The following LAMC1 variants were observed in gnomAD, a reference collection of about 807,000 sequenced individuals.
LAMC1 encodes the protein laminin subunit gamma 1, also known as laminin subunit gamma-1.
A neutral mutation model predicts 173.6 loss-of-function variants in LAMC1; 38 were observed. The observed-to-expected ratio is 0.22, with a 90% CI of 0.17 to 0.29. The LOEUF is 0.29. LAMC1 is among the 10% of genes least tolerant of loss of function. The pLI is 1.00. For synonymous variants in LAMC1, 746 were observed against 749.1 expected (o/e 1.00, Z 0.07); for missense variants, 1,824 against 2,051.8 (o/e 0.89, Z 2.14).
intron 25 of LAMC1, among the ~76,000 whole-genome samples, chr1:183,137,197 G>A (rs1327931419): frequency 1.3e-5 from 2 of 152,168 alleles, no homozygotes; most frequent in Non-Finnish European, 2.9e-5. Flanking sequence ...TTGGCTTTTG[G>A]ATTAATTATA....
At chr1:183,099,203 C>G (rs1655771520) in intron 1 of LAMC1, among the ~76,000 whole-genome samples, 1 of 152,150 alleles carries the variant, frequency 6.6e-6, no homozygotes, top group African/African-American at 2.4e-5. Context: ...ATTCTCCCAC[C>G]TCATCCTCCT....
chr1:183,110,671 G>A lies in LAMC1; in HGVS notation c.1021+17G>A, dbSNP rs369232193. 9.8e-5 allele frequency: 158 copies of A among 1,611,234 alleles called. No homozygotes were observed. In the African/African-American group the frequency reaches 1.7e-3, roughly 17 times the overall value. ...AATGCCTGCGTGAGTGCCCCATGAC[G>A]TCAGTCTGTCAGTTGTCTTAAGGAC... On this transcript the variant is annotated intron_variant, in intron 4 of 27. Transcript: ENST00000258341.
chr1:183,116,806 T>G lies in LAMC1; in HGVS notation c.1467T>G (p.Pro489=), dbSNP rs1297821715. 1.2e-6 allele frequency: 2 copies of G among 1,614,092 alleles called. No individual in the cohort carries two copies. The highest frequency in any genetic ancestry group is 3.3e-5 in the Admixed American group (2 of 60,026). Residue 489 remains proline (P), a synonymous_variant, in exon 8 of 28, where the codon CCT becomes CCG. Coordinates refer to ENST00000258341, the MANE Select transcript of LAMC1 (RefSeq NM_002293.4). ...TTTTTAATCTGGAATCATCTAATCC[T>G]CGGGGTTGCACACCCTGCTTCTGCT... ...PGFFNLESSN[P]RGCTPCFCFG...
chr1:183,086,445 A>G (rs1655429396), intron 1 of LAMC1, among the ~76,000 whole-genome samples: 1 of 152,218 alleles, frequency 6.6e-6, no homozygotes, highest in African/African-American at 2.4e-5. Flanking sequence ...CTTTCTTGCT[A>G]CTAAAGAATT....
chr1:183,033,700 ATT>A (rs1275626830), intron 1 of LAMC1, among the ~76,000 whole-genome samples: 1 of 150,794 alleles, frequency 6.6e-6, no homozygotes, highest in African/African-American at 2.4e-5. Flanking sequence ...AGAAACTTTT[ATT>A]TTTTTTTGAG....
chr1:183,029,506 A>G (rs902026362), intron 1 of LAMC1, among the ~76,000 whole-genome samples: 8 of 152,166 alleles, frequency 5.3e-5, no homozygotes, highest in Admixed American at 1.3e-4. Flanking sequence ...ATAAAGTCCA[A>G]ACTCCTTGGC....
intron 24 of LAMC1, 48 bp downstream of exon 24, chr1:183,135,204 G>T: frequency 1.8e-6 from 2 of 1,129,352 alleles, no homozygotes; most frequent in South Asian, 1.4e-5. Context: ...CCACTAGAGT[G>T]ATTTTTTTTT....
chr1:183,057,106 G>A (rs756890898), intron 1 of LAMC1, among the ~76,000 whole-genome samples: 1 of 152,198 alleles, frequency 6.6e-6, no homozygotes, highest in Admixed American at 6.5e-5. Flanking sequence ...AATGCAATCC[G>A]TATTGAGATT....
intron 1 of LAMC1, among the ~76,000 whole-genome samples, chr1:183,044,798 C>T (rs1220265753): frequency 5.9e-5 from 9 of 152,126 alleles, no homozygotes; most frequent in East Asian, 5.8e-4. Context: ...CGTTGTCTTC[C>T]TTTCCAGGAT....
intron 1 of LAMC1, among the ~76,000 whole-genome samples, chr1:183,082,495 C>G (rs546361465): frequency 1.1e-3 from 161 of 152,170 alleles, no homozygotes; most frequent in Middle Eastern, 3.4e-3. Context: ...AGCAAAGGAC[C>G]ATGAAGGGTC....
At chr1:183,117,035 G>A in intron 8 of LAMC1, 132 bp downstream of exon 8, 1 of 940,656 alleles carries the variant, frequency 1.1e-6, no homozygotes, top group East Asian at 2.6e-5. Flanking sequence ...AGCATGCATA[G>A]TTTTTGTAGT....
At chr1:183,089,852 G>C (rs1655522687) in intron 1 of LAMC1, among the ~76,000 whole-genome samples, 1 of 152,122 alleles carries the variant, frequency 6.6e-6, no homozygotes, top group African/African-American at 2.4e-5. Flanking sequence ...CTAGGCCCCA[G>C]CAGACCAGAC....
At position 183,117,646 on chromosome 1, in the gene LAMC1, T is replaced by C; in HGVS notation, c.1800T>C (p.Ala600=). 1 of 1,614,200 alleles carries C rather than the reference T, an allele frequency of 6.2e-7. No individual in the cohort carries two copies. The highest frequency in any genetic ancestry group is 8.5e-7 in the Non-Finnish European group (1 of 1,180,036). The part of the protein sequence containing the change: ...LSAEDLVLEG[A]GLRVSVPLIA... ...CAGAAGACCTTGTGCTTGAGGGAGC[T>C]GGCTTAAGAGTATCTGTACCCTTGA... Residue 600 remains alanine (A), a synonymous_variant, in exon 10 of 28, where the codon GCT becomes GCC. Transcript: ENST00000258341.
chr1:183,135,205 A>AT (rs35182436), intron 24 of LAMC1, 49 bp downstream of exon 24: 1,568 of 889,294 alleles, frequency 1.8e-3, no homozygotes, highest in East Asian at 3.4e-3. Flanking sequence ...CACTAGAGTG[A>AT]TTTTTTTTTT....
chr1:183,123,479 T>G (rs944182780), intron 13 of LAMC1, among the ~76,000 whole-genome samples: 3 of 152,210 alleles, frequency 2.0e-5, no homozygotes, highest in African/African-American at 7.2e-5. Context: ...ACCTCCATGC[T>G]TCTACATGGG....
intron 1 of LAMC1, among the ~76,000 whole-genome samples, chr1:183,054,360 T>C (rs904536812): frequency 6.6e-6 from 1 of 152,206 alleles, no homozygotes; most frequent in Non-Finnish European, 1.5e-5. Context: ...GGTCTGGTTA[T>C]AGAGGCTGTT....
At chr1:183,080,953 A>G (rs1417461903) in intron 1 of LAMC1, among the ~76,000 whole-genome samples, 1 of 152,014 alleles carries the variant, frequency 6.6e-6, no homozygotes, top group African/African-American at 2.4e-5. Context: ...CGCTGGCGCG[A>G]TCTTGGCTCA....
intron 1 of LAMC1, among the ~76,000 whole-genome samples, chr1:183,069,485 G>T (rs879261097): frequency 1.2e-4 from 19 of 152,240 alleles, no homozygotes; most frequent in Non-Finnish European, 1.8e-4. Context: ...TTACAGTCTA[G>T]TTGGAGGTGT....
intron 1 of LAMC1, among the ~76,000 whole-genome samples, chr1:183,046,765 T>C (rs1654277938): frequency 6.6e-6 from 1 of 152,130 alleles, no homozygotes; most frequent in Non-Finnish European, 1.5e-5. Flanking sequence ...TTGTTTCTCC[T>C]TACCAAGCCT....
Sources: gnomAD v4.1 joint callset for allele counts (sites outside exome capture counted in the v4.1 genomes callset) on GRCh38, gnomAD v4.1.1 for gene constraint, MANE v1.5 for transcripts, NCBI Gene and HGNC (gene_info 2026-07-23, HGNC 2026-07-21) for gene names.